The following GLI2 variants were observed in gnomAD, a reference collection of about 807,000 sequenced individuals.
The protein encoded by GLI2 is transcription activator GLI2.
GLI2 carries 22 observed loss-of-function variants against 78.9 expected under a neutral mutation model. That is an observed-to-expected ratio of 0.28 (90% CI 0.20 to 0.40). GLI2 has a LOEUF of 0.40. Among genes scored for constraint, GLI2 ranks in the 10% least tolerant of loss-of-function variants. The pLI, the probability that GLI2 is intolerant of heterozygous loss-of-function variation, is 1.00. For missense variants in GLI2, 2,097 were observed against 2,213.2 expected, an observed-to-expected ratio of 0.95 and a Z score of 1.05; for synonymous variants, 974 against 963.7, an observed-to-expected ratio of 1.01 and a Z score of -0.20.
chr2:120,970,685 AAG>A, intron 7 of GLI2, 79 bp downstream of exon 7: 1 of 1,227,662 alleles, frequency 8.1e-7, no homozygotes, highest in Non-Finnish European at 1.2e-6. Context: ...AGCTCATGCT[AAG>A]AACTTGTGGA....
intron 1 of GLI2, among the ~76,000 whole-genome samples, chr2:120,752,653 C>T (rs1249272701): frequency 6.6e-6 from 1 of 152,160 alleles, no homozygotes; most frequent in African/African-American, 2.4e-5. Context: ...GAAGGTTATA[C>T]ATACATTATA....
At chr2:120,861,681 G>C (rs1687911066) in intron 2 of GLI2, among the ~76,000 whole-genome samples, 1 of 152,228 alleles carries the variant, frequency 6.6e-6, no homozygotes, top group African/African-American at 2.4e-5. Flanking sequence ...TGACCCTGGG[G>C]GAACCGGGGC....
chr2:120,759,133 C>T (rs1161514954), intron 1 of GLI2, among the ~76,000 whole-genome samples: 1 of 152,230 alleles, frequency 6.6e-6, no homozygotes, highest in Non-Finnish European at 1.5e-5. Context: ...GAAACAGACT[C>T]AGTTTCTCTT....
chr2:120,988,575 C>A lies in GLI2; in HGVS notation c.2610C>A (p.Tyr870Ter). 1 of 1,495,828 alleles carries A rather than the reference C, an allele frequency of 6.7e-7. No homozygotes were observed. Among genetic ancestry groups the A allele is most frequent in the Non-Finnish European group, 8.9e-7 (1 of 1,128,994 alleles). 92.7% of individuals were successfully genotyped at this position (1,495,828 alleles called of 1,614,324 possible). A position where few individuals can be genotyped will look rare whatever the true frequency, so the allele number is the denominator to read the frequency against. Residue 870 changes from tyrosine (Y) to a stop codon, truncating the protein, a stop_gained, in exon 14 of 14, where the codon TAC becomes TAA. Coordinates refer to ENST00000361492, the MANE Select transcript of GLI2 (RefSeq NM_001374353.1). LOFTEE classifies it low-confidence loss of function (END_TRUNC). ...TCAACCTCACGCCGGCGCAGCAGTA[C>A]AGCCTGCGGGCCAAGTACGCGGCAG... is the stretch of plus-strand genomic sequence containing the variant. ...GLLNLTPAQQ[Y>*]SLRAKYAAAT...
intron 1 of GLI2, among the ~76,000 whole-genome samples, chr2:120,770,241 C>T (rs758230416): frequency 1.3e-5 from 2 of 152,208 alleles, no homozygotes; most frequent in Non-Finnish European, 2.9e-5. Flanking sequence ...GCCTTTCCAT[C>T]CCCCACCCCC....
intron 1 of GLI2, among the ~76,000 whole-genome samples, chr2:120,738,845 G>T (rs1332330942): frequency 6.6e-6 from 1 of 152,198 alleles, no homozygotes; most frequent in Non-Finnish European, 1.5e-5. Context: ...AACTCATTCT[G>T]CTCTGGCCTT....
rs560367860 is a variant in GLI2 at position 120,985,523 on chromosome 2, A to G, written c.1906-755A>G. Among the ~76,000 whole-genome samples the G allele has an allele frequency of 1.2e-3, 184 of 152,310 alleles. 2 individuals are homozygous for G. The highest frequency in any genetic ancestry group is 4.8e-3 in the South Asian group (23 of 4,824). On this transcript the variant is annotated intron_variant, in intron 12 of 13. Transcript: ENST00000361492. ...GTGGGTGGCGCCATGGACAACACCT[A>G]GAAGGTCCCTGCTCCCATTAAGCCT... is the stretch of plus-strand genomic sequence containing the variant.
intron 1 of GLI2, among the ~76,000 whole-genome samples, chr2:120,792,640 T>G (rs767181458): frequency 6.6e-6 from 1 of 152,224 alleles, no homozygotes; most frequent in African/African-American, 2.4e-5. Flanking sequence ...ATTTATTTAT[T>G]TGAGACAGAG....
intron 2 of GLI2, among the ~76,000 whole-genome samples, chr2:120,869,131 A>C (rs1008898767): frequency 2.7e-5 from 4 of 150,744 alleles, no homozygotes; most frequent in African/African-American, 9.8e-5. Context: ...CACAGAGGAG[A>C]CCATTTCTGG....
At chr2:120,792,072 G>T (rs1684176184) in intron 1 of GLI2, among the ~76,000 whole-genome samples, 1 of 152,196 alleles carries the variant, frequency 6.6e-6, no homozygotes, top group Admixed American at 6.5e-5. Context: ...CTCTCTCCTG[G>T]AGATTGATTT....
chr2:120,789,373 A>G (rs1162908467), intron 1 of GLI2, among the ~76,000 whole-genome samples: 1 of 151,558 alleles, frequency 6.6e-6, no homozygotes, highest in East Asian at 1.9e-4. Context: ...CTTGCCTTAG[A>G]GTGTGCCAAG....
intron 2 of GLI2, among the ~76,000 whole-genome samples, chr2:120,816,933 G>C (rs761026285): frequency 6.6e-6 from 1 of 152,172 alleles, no homozygotes; most frequent in Non-Finnish European, 1.5e-5. Context: ...CCATGCTGTT[G>C]GTTAAAATCC....
intron 2 of GLI2, among the ~76,000 whole-genome samples, chr2:120,809,212 G>A (rs1157789528): frequency 6.6e-6 from 1 of 152,210 alleles, no homozygotes; most frequent in Admixed American, 6.5e-5. Context: ...CTAATCAATG[G>A]TATACACAAA....
At chr2:120,870,882 A>G (rs1262970143) in intron 2 of GLI2, among the ~76,000 whole-genome samples, 1 of 152,194 alleles carries the variant, frequency 6.6e-6, no homozygotes, top group Non-Finnish European at 1.5e-5. Context: ...GCAAGCAGCC[A>G]TCAGGCACCA....
chr2:120,758,610 C>T (rs1243724721), intron 1 of GLI2, among the ~76,000 whole-genome samples: 7 of 152,228 alleles, frequency 4.6e-5, no homozygotes, highest in African/African-American at 7.2e-5. Flanking sequence ...CTCCCTATAA[C>T]GTCTGAGCTC....
intron 2 of GLI2, 93 bp downstream of exon 2, chr2:120,797,561 A>G: frequency 1.6e-6 from 2 of 1,265,494 alleles, no homozygotes; most frequent in Non-Finnish European, 2.3e-6. Flanking sequence ...GTCGTCAGGG[A>G]GGCATGCTGG....
intron 1 of GLI2, among the ~76,000 whole-genome samples, chr2:120,786,161 C>T (rs925203941): frequency 2.6e-5 from 4 of 152,196 alleles, no homozygotes; most frequent in East Asian, 1.9e-4. Context: ...CGGGTCTCAG[C>T]GAGTGTCAGA....
intron 1 of GLI2, among the ~76,000 whole-genome samples, chr2:120,740,043 C>T (rs1573543494): frequency 2.0e-5 from 3 of 152,104 alleles, no homozygotes; most frequent in Middle Eastern, 6.8e-3. Context: ...CACACAACAC[C>T]GGATTCAACA....
At position 120,910,330 on chromosome 2, in the gene GLI2, T is replaced by C. The variant is rs572733042; in HGVS notation, c.149-17031T>C. Among the ~76,000 whole-genome samples the C allele has an allele frequency of 7.9e-5, 12 of 152,296 alleles. No individual in the cohort carries two copies. In the South Asian group the frequency reaches 2.5e-3, roughly 32 times the overall value. On this transcript the variant is annotated intron_variant, in intron 2 of 13. Transcript: ENST00000361492. ...TCTTGCCTAATCAAGGGATGCATTTTAATTTATGCAAATGGGGGAGGGATG... is the reference window on the plus strand; with the variant it reads ...TCTTGCCTAATCAAGGGATGCATTTCAATTTATGCAAATGGGGGAGGGATG...
Sources: allele counts gnomAD v4.1 joint callset (sites outside exome capture counted in the v4.1 genomes callset), GRCh38; gene constraint gnomAD v4.1.1; transcripts MANE v1.5; gene names NCBI Gene and HGNC (gene_info 2026-07-23, HGNC 2026-07-21).